Variants in KCNIP4 observed in about 807,000 individuals in gnomAD.
KCNIP4 encodes the protein potassium voltage-gated channel interacting protein 4.
A neutral mutation model predicts 34.0 loss-of-function variants in KCNIP4; 12 were observed. That is an observed-to-expected ratio of 0.35 (90% CI 0.23 to 0.57). The LOEUF (loss-of-function observed/expected upper bound fraction) is 0.57. KCNIP4 is among the 20% of genes least tolerant of loss of function. The pLI is 0.83. For missense variants in KCNIP4, 238 were observed against 311.7 expected, an observed-to-expected ratio of 0.76 and a Z score of 1.78; for synonymous variants, 124 against 102.2, an observed-to-expected ratio of 1.21 and a Z score of -1.29.
intron 1 of KCNIP4, among the ~76,000 whole-genome samples, chr4:21,411,486 C>A (rs1435890067): frequency 6.6e-6 from 1 of 152,010 alleles, no homozygotes; most frequent in Non-Finnish European, 1.5e-5. Flanking sequence ...CAGTGAAGAC[C>A]AAAGAAAATG....
At chr4:21,501,987 G>GCACACACA in intron 1 of KCNIP4, among the ~76,000 whole-genome samples, 1 of 94,844 alleles carries the variant, frequency 1.1e-5, no homozygotes, top group East Asian at 2.4e-4. Context: ...TCTCTCTCAT[G>GCACACACA]CACACGCACA....
rs185174040 is a variant in KCNIP4, at chr4:21,298,178, C to G, written c.62-415469G>C. Among the ~76,000 whole-genome samples the G allele has an allele frequency of 4.0e-3, 615 of 152,236 alleles. 6 individuals carry two copies. Among genetic ancestry groups the G allele is most frequent in the African/African-American group, 0.014 (591 of 41,558 alleles). On this transcript the variant is annotated intron_variant, in intron 1 of 8. Coordinates refer to ENST00000382152, the MANE Select transcript of KCNIP4 (RefSeq NM_025221.6). ...CTCTTTGTCTTATACAGGTTCTCAACTAAGGTAAGCTTTCTTCCCTCCCTT... is the reference window on the plus strand; with the variant it reads ...CTCTTTGTCTTATACAGGTTCTCAAGTAAGGTAAGCTTTCTTCCCTCCCTT...
chr4:21,439,387 T>C (rs1205477916), intron 1 of KCNIP4, among the ~76,000 whole-genome samples: 1 of 152,176 alleles, frequency 6.6e-6, no homozygotes, highest in Non-Finnish European at 1.5e-5. Flanking sequence ...TCTATCACAG[T>C]AAATGAAACT....
intron 1 of KCNIP4, among the ~76,000 whole-genome samples, chr4:21,863,980 C>T (rs1725262121): frequency 6.6e-6 from 1 of 152,182 alleles, no homozygotes; most frequent in Non-Finnish European, 1.5e-5. Flanking sequence ...CTTTGATTTT[C>T]CTGTAATATA....
chr4:20,821,195 G>A (rs894554294), intron 3 of KCNIP4, among the ~76,000 whole-genome samples: 1 of 152,214 alleles, frequency 6.6e-6, no homozygotes, highest in Admixed American at 6.5e-5. Flanking sequence ...CAAGAAGGCA[G>A]GACATGGAGT....
intron 1 of KCNIP4, among the ~76,000 whole-genome samples, chr4:21,626,389 G>GT (rs67311374): frequency 2.7e-4 from 40 of 149,410 alleles, no homozygotes; most frequent in Middle Eastern, 3.4e-3. Context: ...TGTTTTTTTT[G>GT]TTTTTTTTTC....
rs535582734 is a variant in KCNIP4 at position 21,757,135 on chromosome 4, G to T, written c.61+191436C>A. On this transcript the variant is annotated intron_variant, in intron 1 of 8. Transcript: ENST00000382152. ...AGAAAGAAAGAAAGAAAGAAAGAAA[G>T]AAAGAAAGAAAGAAAGAAAGAAAGA... Among the ~76,000 whole-genome samples the T allele has an allele frequency of 8.1e-3, 195 of 24,164 alleles. 1 individual carries two copies. Among genetic ancestry groups the T allele is most frequent in the Middle Eastern group, 0.019 (1 of 54 alleles). The allele number at this position is 24,164 out of a possible 152,430, so 15.9% of individuals were successfully genotyped here.
At chr4:20,851,940 A>AT (rs1721074882) in intron 2 of KCNIP4, among the ~76,000 whole-genome samples, 1 of 152,174 alleles carries the variant, frequency 6.6e-6, no homozygotes, top group African/African-American at 2.4e-5. Context: ...GCTTGAGCCC[A>AT]GGAGGCTGAG....
At chr4:20,765,298 T>G (rs1755299570) in intron 3 of KCNIP4, among the ~76,000 whole-genome samples, 1 of 152,124 alleles carries the variant, frequency 6.6e-6, no homozygotes, top group African/African-American at 2.4e-5. Flanking sequence ...ACTGAAAACA[T>G]AGTCTCCTGG....
At chr4:21,262,360 T>G (rs1761526359) in intron 1 of KCNIP4, among the ~76,000 whole-genome samples, 1 of 152,172 alleles carries the variant, frequency 6.6e-6, no homozygotes, top group South Asian at 2.1e-4. Context: ...TGTCTCTTTG[T>G]TGGAGGATGA....
intron 1 of KCNIP4, among the ~76,000 whole-genome samples, chr4:21,815,500 TGGAGTCCTCAG>T (rs1358491691): frequency 2.6e-5 from 4 of 152,052 alleles, no homozygotes; most frequent in Non-Finnish European, 4.4e-5. Flanking sequence ...ATGTAAGTGA[TGGAGTCCTCAG>T]AGTTTTCAAA....
At chr4:21,594,181 G>T (rs1015358427) in intron 1 of KCNIP4, among the ~76,000 whole-genome samples, 2 of 152,104 alleles carry the variant, frequency 1.3e-5, no homozygotes, top group African/African-American at 4.8e-5. Flanking sequence ...TGTGAAGGAA[G>T]CTGTGCTCTC....
chr4:21,498,364 T>G (rs570617665), intron 1 of KCNIP4, among the ~76,000 whole-genome samples: 3 of 152,344 alleles, frequency 2.0e-5, no homozygotes, highest in Non-Finnish European at 2.9e-5. Flanking sequence ...GTGGTGTTTG[T>G]ACACTCTTTC....
intron 1 of KCNIP4, among the ~76,000 whole-genome samples, chr4:21,465,107 A>G (rs997619157): frequency 2.0e-5 from 3 of 152,080 alleles, no homozygotes; most frequent in Non-Finnish European, 4.4e-5. Context: ...TTGAGTATAA[A>G]TAGAAGAAGA....
chr4:20,807,607 T>C (rs1171690521), intron 3 of KCNIP4, among the ~76,000 whole-genome samples: 1 of 152,152 alleles, frequency 6.6e-6, no homozygotes, highest in Non-Finnish European at 1.5e-5. Flanking sequence ...AATATACTTA[T>C]GTCATTTTTA....
chr4:21,432,106 ATATATATATATAT>A (rs1186808758), intron 1 of KCNIP4, among the ~76,000 whole-genome samples: 1 of 71,768 alleles, frequency 1.4e-5, no homozygotes, highest in Non-Finnish European at 2.8e-5. Context: ...ATATATATAT[ATATATATATATAT>A]ATATATATAT....
At chr4:21,654,724 C>T (rs952206123) in intron 1 of KCNIP4, among the ~76,000 whole-genome samples, 2 of 151,990 alleles carry the variant, frequency 1.3e-5, no homozygotes, top group African/African-American at 4.8e-5. Context: ...GAGATCGAGA[C>T]CATCCTGGCT....
intron 1 of KCNIP4, among the ~76,000 whole-genome samples, chr4:21,732,386 T>C (rs1715672223): frequency 6.6e-6 from 1 of 152,196 alleles, no homozygotes; most frequent in South Asian, 2.1e-4. Context: ...CCTTAATTAC[T>C]AAGTTCAATT....
Position 21,718,781 on chromosome 4 carries a change from A to T in KCNIP4, c.61+229790T>A, listed in dbSNP as rs1358307704. 2 of 152,228 alleles carry T rather than the reference A, an allele frequency of 1.3e-5. 1 individual carries two copies. The highest frequency in any genetic ancestry group is 2.9e-5 in the Non-Finnish European group (2 of 68,030). 9.4% of individuals were successfully genotyped at this position (152,228 alleles called of 1,614,324 possible). ...AGTAATGACTCCACAAGACAGCGCAAGTAATGACTCTATAGCCAATGGATA... is the reference window on the plus strand; with the variant it reads ...AGTAATGACTCCACAAGACAGCGCATGTAATGACTCTATAGCCAATGGATA... On this transcript the variant is annotated intron_variant, in intron 1 of 8. Transcript: ENST00000382152.
Sources: gnomAD v4.1 joint callset for allele counts (sites outside exome capture counted in the v4.1 genomes callset) on GRCh38, gnomAD v4.1.1 for gene constraint, MANE v1.5 for transcripts, NCBI Gene and HGNC (gene_info 2026-07-23, HGNC 2026-07-21) for gene names.